ATAD5: variants seen among roughly 807,000 people sequenced by gnomAD.
The protein encoded by ATAD5 is ATPase family AAA domain-containing protein 5.
Under a neutral mutation model 176.9 loss-of-function variants are expected in ATAD5, and 58 were observed. The observed-to-expected ratio is 0.33, with a 90% CI of 0.27 to 0.41. ATAD5 has a LOEUF of 0.41. ATAD5 is among the 10% of genes least tolerant of loss of function. The pLI, the probability that ATAD5 is intolerant of heterozygous loss-of-function variation, is 1.00. For missense variants in ATAD5, 1,789 were observed against 2,094.1 expected (o/e 0.85, Z 2.84); for synonymous variants, 640 against 712.6 (o/e 0.90, Z 1.62).
chr17:30,848,451 G>A (rs1358599779), intron 6 of ATAD5, among the ~76,000 whole-genome samples: 24 of 152,014 alleles, frequency 1.6e-4, no homozygotes, highest in Admixed American at 1.4e-3. Flanking sequence ...TAGAGACAGG[G>A]TTTTGCCATG....
At chr17:30,858,368 G>A in intron 9 of ATAD5, 45 bp downstream of exon 9, 1 of 1,251,454 alleles carries the variant, frequency 8.0e-7, no homozygotes. Flanking sequence ...CCAGTTTTGG[G>A]TTTTTATATT....
intron 8 of ATAD5, 122 bp from the exon 9 acceptor site, chr17:30,858,039 C>G: frequency 1.1e-6 from 1 of 874,294 alleles, no homozygotes; most frequent in Admixed American, 3.7e-5. Flanking sequence ...CCACCACGCC[C>G]GGCCTAAAGC....
chr17:30,895,169 G>C lies in ATAD5; in HGVS notation c.*256G>C, dbSNP rs1339769714. On this transcript the variant is annotated 3_prime_UTR_variant, in exon 23 of 23. Coordinates refer to ENST00000321990, the MANE Select transcript of ATAD5 (RefSeq NM_024857.5). ...AGTATTTTTTGTATGTGAGTGAACT[G>C]TTTCTGGAAGGTAGAGTTCATTAAG... 2 of 280,450 alleles carry C rather than the reference G, an allele frequency of 7.1e-6. No individual in the cohort carries two copies. The highest frequency in any genetic ancestry group is 1.3e-5 in the Non-Finnish European group (2 of 151,374). 17.4% of individuals were successfully genotyped at this position (280,450 alleles called of 1,614,324 possible).
At chr17:30,894,198 AGG>A in intron 21 of ATAD5, 48 bp downstream of exon 21, 1 of 1,418,218 alleles carries the variant, frequency 7.1e-7, no homozygotes, top group South Asian at 1.4e-5. Flanking sequence ...TAAATCGTAA[AGG>A]GGAAATCAAT....
chr17:30,859,241 C>T (rs2142369308), intron 9 of ATAD5, among the ~76,000 whole-genome samples: 1 of 152,312 alleles, frequency 6.6e-6, no homozygotes, highest in East Asian at 1.9e-4. Flanking sequence ...ATATTATGTA[C>T]TTAAGGAATG....
At chr17:30,836,084 T>C (rs1340752625) in intron 2 of ATAD5, 36 bp downstream of exon 2, 58 of 1,487,000 alleles carry the variant, frequency 3.9e-5, no homozygotes, top group Non-Finnish European at 5.0e-5. Flanking sequence ...TCTAGTATTC[T>C]GCATGTATTA....
intron 18 of ATAD5, among the ~76,000 whole-genome samples, chr17:30,886,602 T>C (rs1348853277): frequency 6.6e-6 from 1 of 151,778 alleles, no homozygotes. Flanking sequence ...GTGATCCCCT[T>C]GCCTCAGCCT....
At chr17:30,869,884 T>C (rs1165478471) in intron 14 of ATAD5, 4 of 447,540 alleles carry the variant, frequency 8.9e-6, no homozygotes, top group Non-Finnish European at 1.6e-5. Flanking sequence ...AACTATAATA[T>C]CGTAATCAGA....
At chr17:30,869,151 A>G (rs1908190553) in intron 12 of ATAD5, 97 bp from the exon 13 acceptor site, 3 of 1,381,850 alleles carry the variant, frequency 2.2e-6, no homozygotes, top group Non-Finnish European at 3.0e-6. Context: ...TTCAGCATCT[A>G]TTGCAAGAAG....
chr17:30,849,528 T>C (rs1906740324), intron 6 of ATAD5, among the ~76,000 whole-genome samples: 1 of 152,256 alleles, frequency 6.6e-6, no homozygotes, highest in African/African-American at 2.4e-5. Flanking sequence ...TCTCATAGTT[T>C]TAATTTTCAT....
chr17:30,879,514 A>T (rs1426287384), intron 18 of ATAD5, 27 bp downstream of exon 18: 3 of 1,566,654 alleles, frequency 1.9e-6, no homozygotes, highest in Admixed American at 2.0e-5. Context: ...GATAGCCACA[A>T]ATTACATATC....
intron 11 of ATAD5, among the ~76,000 whole-genome samples, chr17:30,866,090 T>A (rs1213010463): frequency 6.6e-6 from 1 of 151,952 alleles, no homozygotes; most frequent in African/African-American, 2.4e-5. Flanking sequence ...GTCCTTCATC[T>A]TCAATTCTCA....
Position 30,894,709 on chromosome 17 carries a change from A to G in ATAD5, c.5443A>G (p.Lys1815Glu), listed in dbSNP as rs1367657457. ...CKTEKLKEQG[K>E]SKRRFLHYFE... Reference sequence around the variant, plus strand: ...GACTGAGAAGCTAAAAGAACAAGGAAAAAGTAAAAGAAGGTAAAGGCTTTA... The same window carrying G: ...GACTGAGAAGCTAAAAGAACAAGGAGAAAGTAAAAGAAGGTAAAGGCTTTA... Residue 1815 changes from lysine (K) to glutamate (E), a missense_variant, in exon 22 of 23, where the codon AAA becomes GAA. By Grantham distance (56) the Lys-to-Glu change is moderately conservative. Around this residue, in one of 6 missense-constraint regions of ATAD5, gnomAD observed 403 missense variants for 495.1 expected, o/e 0.81. Coordinates refer to ENST00000321990, the MANE Select transcript of ATAD5 (RefSeq NM_024857.5). The G allele has an allele frequency of 1.2e-6, 2 of 1,606,504 alleles. No homozygotes were observed. Among genetic ancestry groups the G allele is most frequent in the African/African-American group, 1.3e-5 (1 of 74,414 alleles).
At chr17:30,833,319 C>T (rs1255730997) in intron 1 of ATAD5, among the ~76,000 whole-genome samples, 1 of 152,048 alleles carries the variant, frequency 6.6e-6, no homozygotes, top group Non-Finnish European at 1.5e-5. Context: ...TCAATCTTTC[C>T]GTTACAGTTT....
intron 18 of ATAD5, among the ~76,000 whole-genome samples, chr17:30,881,423 C>T (rs1348315867): frequency 1.3e-5 from 2 of 152,130 alleles, no homozygotes; most frequent in Non-Finnish European, 2.9e-5. Flanking sequence ...CCTCAGCCTC[C>T]CTAGTAATTG....
chr17:30,835,582 C>A lies in ATAD5; in HGVS notation c.1501C>A (p.Gln501Lys). The change falls in exon 2 of 23, where the codon CAA becomes AAA. Residue 501 changes from glutamine to lysine, a missense_variant. Physicochemically the swap from Gln to Lys is moderately conservative, Grantham distance 53 (BLOSUM62 1). Around this residue, in one of 6 missense-constraint regions of ATAD5, gnomAD observed 696 missense variants for 712.5 expected, o/e 0.98. Transcript: ENST00000321990. ...AGGCAAAAACAGAGAGGGAAACACT[C>A]AAAAGAAAGAAACAACCTTTTTCTT... ...IPGKNREGNT[Q>K]KKETTFFLKE... 1.2e-6 allele frequency: 2 copies of A among 1,611,780 alleles called. No homozygotes were observed. The highest frequency in any genetic ancestry group is 2.2e-5 in the South Asian group (2 of 90,610).
chr17:30,877,376 A>C (rs1384152944), intron 15 of ATAD5, 40 bp from the exon 16 acceptor site: 1 of 1,344,170 alleles, frequency 7.4e-7, no homozygotes, highest in Non-Finnish European at 1.0e-6. Context: ...TCTTAGCAAA[A>C]GTTGATTTTA....
chr17:30,867,243 T>TA (rs1203535056), intron 11 of ATAD5, among the ~76,000 whole-genome samples: 2 of 151,040 alleles, frequency 1.3e-5, no homozygotes, highest in Non-Finnish European at 1.5e-5. Flanking sequence ...CTACAAAAAA[T>TA]AAAAAAAATA....
chr17:30,864,947 C>G (rs1392937380), intron 10 of ATAD5: 1 of 145,676 alleles, frequency 6.9e-6, no homozygotes, highest in Non-Finnish European at 1.5e-5. Context: ...TTGAGATGGA[C>G]TGTCACTCTG....
Sources: allele counts gnomAD v4.1 joint callset (sites outside exome capture counted in the v4.1 genomes callset), GRCh38; gene constraint gnomAD v4.1.1; regional missense constraint gnomAD v4.1.1; transcripts MANE v1.5; gene names NCBI Gene and HGNC (gene_info 2026-07-23, HGNC 2026-07-21).